ATP9B: variants seen among roughly 807,000 people sequenced by gnomAD.
ATP9B encodes the protein probable phospholipid-transporting ATPase IIB.
A neutral mutation model predicts 146.1 loss-of-function variants in ATP9B; 110 were observed. The observed-to-expected ratio is 0.75, with a 90% CI of 0.65 to 0.88. The LOEUF (loss-of-function observed/expected upper bound fraction) is 0.88, where lower values mean the gene tolerates loss of function less well. ATP9B is among the 40% of genes least tolerant of loss of function. ATP9B has a pLI of 0.00. For synonymous variants in ATP9B, 604 were observed against 569.7 expected, an observed-to-expected ratio of 1.06 and a Z score of -0.86; for missense variants, 1,499 against 1,496.4, an observed-to-expected ratio of 1.00 and a Z score of -0.03.
At chr18:79,233,169 G>A (rs2095808277) in intron 11 of ATP9B, among the ~76,000 whole-genome samples, 2 of 151,992 alleles carry the variant, frequency 1.3e-5, no homozygotes, top group East Asian at 1.9e-4. Context: ...GCGCACACCT[G>A]TAATCCCAGC....
chr18:79,342,158 G>C, intron 19 of ATP9B, 110 bp from the exon 20 acceptor site: 1 of 739,848 alleles, frequency 1.4e-6, no homozygotes, highest in Non-Finnish European at 2.4e-6. Context: ...TTTATCTATT[G>C]ACGGGCACCT....
At chr18:79,233,302 T>C (rs2095809470) in intron 11 of ATP9B, among the ~76,000 whole-genome samples, 1 of 151,834 alleles carries the variant, frequency 6.6e-6, no homozygotes, top group South Asian at 2.1e-4. Context: ...AAAAAAAAGA[T>C]ACAACTATGT....
intron 10 of ATP9B, among the ~76,000 whole-genome samples, chr18:79,210,112 A>G (rs2095570535): frequency 6.6e-6 from 1 of 152,178 alleles, no homozygotes; most frequent in Non-Finnish European, 1.5e-5. Context: ...AGGTGAGCCA[A>G]GGCAGGACAC....
chr18:79,164,164 A>G (rs1472103513), intron 7 of ATP9B, among the ~76,000 whole-genome samples: 1 of 152,168 alleles, frequency 6.6e-6, no homozygotes, highest in Non-Finnish European at 1.5e-5. Flanking sequence ...GGTCCAAGCC[A>G]TTCTCACGTC....
chr18:79,094,858 A>T (rs2074653557), intron 1 of ATP9B, among the ~76,000 whole-genome samples: 1 of 152,204 alleles, frequency 6.6e-6, no homozygotes, highest in Admixed American at 6.5e-5. Flanking sequence ...TAGGAATGAA[A>T]ATATGACAGG....
intron 10 of ATP9B, among the ~76,000 whole-genome samples, chr18:79,212,572 A>T (rs896679683): frequency 3.3e-5 from 5 of 152,198 alleles, no homozygotes; most frequent in African/African-American, 1.2e-4. Context: ...CATTAGTGGG[A>T]TGTTTATATT....
At chr18:79,319,553 G>T (rs1459526993) in intron 15 of ATP9B, among the ~76,000 whole-genome samples, 1 of 152,160 alleles carries the variant, frequency 6.6e-6, no homozygotes, top group Non-Finnish European at 1.5e-5. Context: ...GGCTTGCGTT[G>T]TCCTCCTCAT....
chr18:79,103,895 C>T (rs1263634958), intron 2 of ATP9B, among the ~76,000 whole-genome samples: 1 of 152,084 alleles, frequency 6.6e-6, no homozygotes, highest in Non-Finnish European at 1.5e-5. Context: ...AGAGAGTTGA[C>T]TGCTACCAAT....
chr18:79,117,729 A>G (rs930213967), intron 4 of ATP9B: 1 of 152,352 alleles, frequency 6.6e-6, no homozygotes, highest in Middle Eastern at 3.4e-3. Flanking sequence ...AAGTGTATAC[A>G]ACAGAATTTT....
rs187225545 is a variant in ATP9B, at chr18:79,293,868, G to A, written c.1412-9736G>A. On this transcript the variant is annotated intron_variant, in intron 13 of 29. Transcript: ENST00000426216. ...TATTTTCAACTAAATGCATAAATGC[G>A]CAGATATTATATTCAGTATTTTAGC... Among the ~76,000 whole-genome samples the A allele has an allele frequency of 6.6e-3, 1,000 of 152,246 alleles. 12 individuals carry two copies. Among genetic ancestry groups the A allele is most frequent in the African/African-American group, 0.023 (960 of 41,538 alleles).
intron 13 of ATP9B, among the ~76,000 whole-genome samples, chr18:79,298,812 T>C (rs1165070852): frequency 1.4e-5 from 2 of 146,122 alleles, no homozygotes; most frequent in African/African-American, 5.0e-5. Context: ...TGTTCCTCCT[T>C]CTCAGGAGGC....
chr18:79,203,839 T>C (rs970455656), intron 9 of ATP9B, among the ~76,000 whole-genome samples: 21 of 152,186 alleles, frequency 1.4e-4, no homozygotes, highest in African/African-American at 4.8e-4. Context: ...GGAATGAGGA[T>C]GTCTATCTTT....
intron 2 of ATP9B, among the ~76,000 whole-genome samples, chr18:79,100,650 A>G (rs976082996): frequency 2.6e-5 from 4 of 152,200 alleles, no homozygotes; most frequent in African/African-American, 9.7e-5. Context: ...CAAAAATAGT[A>G]TAGAGGGGTC....
chr18:79,299,865 T>C (rs1379734084), intron 13 of ATP9B: 1 of 152,176 alleles, frequency 6.6e-6, no homozygotes, highest in East Asian at 1.9e-4. Flanking sequence ...TCACTGTCTG[T>C]TTAGAGAACT....
At chr18:79,346,343 G>A (rs188766695) in intron 23 of ATP9B, among the ~76,000 whole-genome samples, 8 of 151,202 alleles carry the variant, frequency 5.3e-5, no homozygotes, top group Admixed American at 4.6e-4. Flanking sequence ...CTCAGCACAC[G>A]GTCAGTGCAC....
At chr18:79,158,727 T>C (rs1415281885) in intron 7 of ATP9B, among the ~76,000 whole-genome samples, 1 of 152,254 alleles carries the variant, frequency 6.6e-6, no homozygotes, top group Non-Finnish European at 1.5e-5. Context: ...CCTTTGAAGT[T>C]TATTCACATT....
intron 13 of ATP9B, among the ~76,000 whole-genome samples, chr18:79,292,104 G>A (rs1024586886): frequency 1.3e-5 from 2 of 152,208 alleles, no homozygotes; most frequent in African/African-American, 4.8e-5. Context: ...ATTCCATCGT[G>A]TGGATACACC....
chr18:79,321,549 A>G (rs552724080), intron 15 of ATP9B, among the ~76,000 whole-genome samples: 1 of 152,174 alleles, frequency 6.6e-6, no homozygotes, highest in Non-Finnish European at 1.5e-5. Context: ...ACTCCTGGCT[A>G]TGTTTAATTT....
chr18:79,103,877 G>A (rs185920057), intron 2 of ATP9B, among the ~76,000 whole-genome samples: 2 of 152,242 alleles, frequency 1.3e-5, no homozygotes, highest in Non-Finnish European at 2.9e-5. Flanking sequence ...TGATGAGTTT[G>A]TAGGGGCAGA....
Sources: gnomAD v4.1 joint callset for allele counts (sites outside exome capture counted in the v4.1 genomes callset) on GRCh38, gnomAD v4.1.1 for gene constraint, MANE v1.5 for transcripts, NCBI Gene and HGNC (gene_info 2026-07-23, HGNC 2026-07-21) for gene names.